The following ARHGAP25 variants were observed in gnomAD, a reference collection of about 807,000 sequenced individuals.
ARHGAP25 encodes the protein Rho GTPase activating protein 25, also known as rho GTPase-activating protein 25.
In ARHGAP25, 34 loss-of-function variants were observed where a neutral mutation model predicts 71.0. The observed-to-expected ratio is 0.48, with a 90% confidence interval of 0.36 to 0.64. The LOEUF is 0.64. Ranked by LOEUF, ARHGAP25 falls within the 30% of genes least tolerant of loss-of-function variation. ARHGAP25 has a pLI of 0.00. For missense variants in ARHGAP25, 706 were observed against 805.1 expected (o/e 0.88, Z 1.49); for synonymous variants, 282 against 296.5 (o/e 0.95, Z 0.50).
At chr2:68,794,104 T>C (rs1220822345) in intron 4 of ARHGAP25, among the ~76,000 whole-genome samples, 1 of 152,200 alleles carries the variant, frequency 6.6e-6, no homozygotes, top group East Asian at 1.9e-4. Context: ...CTACTGATTT[T>C]TGTATGTTGA....
chr2:68,753,731 T>C (rs1676318029), intron 1 of ARHGAP25, among the ~76,000 whole-genome samples: 1 of 152,220 alleles, frequency 6.6e-6, no homozygotes, highest in Admixed American at 6.5e-5. Flanking sequence ...AACAAGTCGC[T>C]GTAGAATAGT....
At chr2:68,721,476 T>G (rs12466774) in intron 2 of ARHGAP25, among the ~76,000 whole-genome samples, 40,134 of 152,132 alleles carry the variant, frequency 0.26, 5,807 homozygotes, top group East Asian at 0.48. Flanking sequence ...TGAGAAGGAA[T>G]TGGATTTGAA....
chr2:68,737,068 G>A (rs1167066734), intron 1 of ARHGAP25, among the ~76,000 whole-genome samples: 2 of 152,048 alleles, frequency 1.3e-5, no homozygotes, highest in African/African-American at 4.8e-5. Context: ...ATAATAATAA[G>A]GACATAATGA....
At chr2:68,722,202 C>T (rs561092859) in intron 2 of ARHGAP25, among the ~76,000 whole-genome samples, 2 of 152,328 alleles carry the variant, frequency 1.3e-5, no homozygotes, top group East Asian at 3.9e-4. Context: ...AGTTATTCAG[C>T]TTATTTTCTT....
At position 68,822,717 on chromosome 2, in the gene ARHGAP25, C is replaced by G; in HGVS notation, c.1578C>G (p.Asp526Glu). The G allele has an allele frequency of 6.2e-7, 1 of 1,614,168 alleles. No individual in the cohort carries two copies. Among genetic ancestry groups the G allele is most frequent in the Non-Finnish European group, 8.5e-7 (1 of 1,180,046 alleles). Residue 526 changes from aspartate to glutamate, a missense_variant, in exon 10 of 11, where the codon GAC becomes GAG. By Grantham distance (45) the Asp-to-Glu change is conservative (BLOSUM62 2). Transcript: ENST00000409202. Reference protein sequence around the residue: ...EASALSSQACDSKGDTLASPN... With the variant: ...EASALSSQACESKGDTLASPN... ...GTGCACTCTCTTCCCAAGCCTGTGA[C>G]TCCAAGGGAGATACTCTTGCCAGTC...
At chr2:68,805,924 G>A (rs976857239) in intron 4 of ARHGAP25, among the ~76,000 whole-genome samples, 3 of 152,194 alleles carry the variant, frequency 2.0e-5, no homozygotes, top group African/African-American at 7.2e-5. Context: ...CCTGTCTTCT[G>A]AACCTCCAGG....
intron 3 of ARHGAP25, among the ~76,000 whole-genome samples, chr2:68,784,898 G>A (rs558037657): frequency 1.3e-5 from 2 of 152,344 alleles, no homozygotes; most frequent in South Asian, 4.1e-4. Context: ...GGCTGAGGTG[G>A]TTGATTGATT....
intron 2 of ARHGAP25, among the ~76,000 whole-genome samples, chr2:68,777,178 TC>T (rs1677982902): frequency 6.6e-6 from 1 of 152,138 alleles, no homozygotes; most frequent in Non-Finnish European, 1.5e-5. Flanking sequence ...GAGGAAGTCC[TC>T]CTATCTGCAG....
intron 4 of ARHGAP25, among the ~76,000 whole-genome samples, chr2:68,800,704 CAA>C (rs1679904467): frequency 1.3e-5 from 2 of 152,078 alleles, no homozygotes; most frequent in Admixed American, 1.3e-4. Flanking sequence ...ATTCCTGACT[CAA>C]ATCTCAGTTT....
At chr2:68,818,190 G>C (rs879768614) in intron 8 of ARHGAP25, among the ~76,000 whole-genome samples, 196 bp downstream of exon 8, 2 of 152,200 alleles carry the variant, frequency 1.3e-5, no homozygotes, top group Admixed American at 1.3e-4. Flanking sequence ...AAAGGACAGA[G>C]GTCAAGGGTT....
At chr2:68,795,110 G>A (rs963784838) in intron 4 of ARHGAP25, among the ~76,000 whole-genome samples, 1 of 152,000 alleles carries the variant, frequency 6.6e-6, no homozygotes, top group East Asian at 1.9e-4. Context: ...GATGGTATTA[G>A]TTGTAATGTC....
chr2:68,741,484 C>T (rs1039524359), intron 1 of ARHGAP25, among the ~76,000 whole-genome samples: 6 of 152,204 alleles, frequency 3.9e-5, no homozygotes, highest in Non-Finnish European at 7.3e-5. Context: ...CAACTTCTAA[C>T]GCCCATTTGA....
At chr2:68,763,675 T>C (rs1184234728) in intron 1 of ARHGAP25, among the ~76,000 whole-genome samples, 1 of 152,240 alleles carries the variant, frequency 6.6e-6, no homozygotes, top group Non-Finnish European at 1.5e-5. Flanking sequence ...TCCTGGAATA[T>C]TCCAGACATT....
intron 1 of ARHGAP25, among the ~76,000 whole-genome samples, chr2:68,756,170 A>G (rs916288770): frequency 1.3e-5 from 2 of 152,222 alleles, no homozygotes; most frequent in African/African-American, 4.8e-5. Flanking sequence ...TCTTAACACA[A>G]TAGTGGCTGC....
At chr2:68,738,819 T>C (rs1462105545) in intron 1 of ARHGAP25, among the ~76,000 whole-genome samples, 1 of 133,098 alleles carries the variant, frequency 7.5e-6, no homozygotes, top group African/African-American at 2.7e-5. Context: ...AGACTCTGTC[T>C]CAAGAAAAAA....
intron 2 of ARHGAP25, among the ~76,000 whole-genome samples, chr2:68,778,849 G>A (rs1678114193): frequency 6.6e-6 from 1 of 152,168 alleles, no homozygotes; most frequent in African/African-American, 2.4e-5. Context: ...TCCTGTATGT[G>A]CTTCTGGAGA....
At chr2:68,752,296 T>TA (rs1204837698) in intron 1 of ARHGAP25, among the ~76,000 whole-genome samples, 1 of 152,204 alleles carries the variant, frequency 6.6e-6, no homozygotes. Context: ...TATAGAAGTG[T>TA]AAAAAATGAA....
At chr2:68,719,917 T>C (rs1274103434) in intron 2 of ARHGAP25, among the ~76,000 whole-genome samples, 3 of 152,210 alleles carry the variant, frequency 2.0e-5, no homozygotes, top group Non-Finnish European at 4.4e-5. Context: ...ACCTGTTTTA[T>C]TCCCAAACTC....
chr2:68,790,462 G>T lies in ARHGAP25; in HGVS notation c.466+2506G>T, dbSNP rs151049561. Among the ~76,000 whole-genome samples, 352 of 152,332 alleles carry T rather than the reference G, an allele frequency of 2.3e-3. 1 individual carries two copies. The highest frequency in any genetic ancestry group is 8.2e-3 in the African/African-American group (341 of 41,570). On this transcript the variant is annotated intron_variant, in intron 4 of 10. Coordinates refer to ENST00000409202, the MANE Select transcript of ARHGAP25 (RefSeq NM_001007231.3). Reference sequence around the variant, plus strand: ...ATGACGTGTCCCGTGGGCCCAGGAGGTGAGGGGCAGGGCCAGGGCTCTTTT... The same window carrying T: ...ATGACGTGTCCCGTGGGCCCAGGAGTTGAGGGGCAGGGCCAGGGCTCTTTT...
Sources: allele counts gnomAD v4.1 joint callset (sites outside exome capture counted in the v4.1 genomes callset), GRCh38; gene constraint gnomAD v4.1.1; transcripts MANE v1.5; gene names NCBI Gene and HGNC (gene_info 2026-07-23, HGNC 2026-07-21).